Variants in HMGN2 observed in about 807,000 individuals in gnomAD.
The protein encoded by HMGN2 is high mobility group nucleosomal binding domain 2.
Under a neutral mutation model 16.9 loss-of-function variants are expected in HMGN2, and 2 were observed. The ratio of observed to expected loss-of-function variants is 0.12; its 90% CI spans 0.05 to 0.37. The LOEUF is 0.37. HMGN2 is among the 10% of genes least tolerant of loss of function. HMGN2 has a pLI of 1.00. For missense variants in HMGN2, 90 were observed against 106.0 expected (o/e 0.85, Z 0.66); for synonymous variants, 31 against 34.9 (o/e 0.89, Z 0.39).
chr1:26,475,254 T>C lies in HMGN2; in HGVS notation c.*106T>C. The C allele has an allele frequency of 2.5e-6, 2 of 815,496 alleles. No individual in the cohort carries two copies. The highest frequency in any genetic ancestry group is 5.1e-5 in the East Asian group (2 of 39,178). 50.5% of individuals were successfully genotyped at this position (815,496 alleles called of 1,614,324 possible). A position where few individuals can be genotyped will look rare whatever the true frequency, so the allele number is the denominator to read the frequency against. Reference sequence around the variant, plus strand: ...TGCAGAATTTTGTTTTACTTTTTTTTTTTTTTTAAAAGCTATGTTGTTAGC... The same window carrying C: ...TGCAGAATTTTGTTTTACTTTTTTTCTTTTTTTAAAAGCTATGTTGTTAGC... On this transcript the variant is annotated 3_prime_UTR_variant, in exon 6 of 6. Coordinates refer to ENST00000361427, the MANE Select transcript of HMGN2 (RefSeq NM_005517.4).
rs796900443 is a variant in HMGN2 at position 26,475,439 on chromosome 1, T to G, written c.*291T>G. ...AGGGATTCCCTGACTTTGACACACA[T>G]GGCCACCTTGGCACAAAAGCCTTGT... is the stretch of plus-strand genomic sequence containing the variant. On this transcript the variant is annotated 3_prime_UTR_variant, in exon 6 of 6. Transcript: ENST00000361427. 8.9e-6 allele frequency: 3 copies of G among 337,626 alleles called. No homozygotes were observed. The highest frequency in any genetic ancestry group is 4.4e-5 in the Admixed American group (1 of 22,506). 20.9% of individuals were successfully genotyped at this position (337,626 alleles called of 1,614,324 possible).
Position 26,474,087 on chromosome 1 carries a change from A to G in HMGN2, c.93A>G (p.Lys31=). ...TCCTCTCTTCCTGCCAAAAAAAGAA[A>G]CCTGCTCCTCCAAAGCCAGAGCCCA... ...PQRRSARLSA[K]PAPPKPEPKP... is the part of the protein sequence containing the mutation. The change falls in exon 4 of 6, where the codon AAA becomes AAG. Residue 31 remains lysine, a splice_region_variant and synonymous_variant. Coordinates refer to ENST00000361427, the MANE Select transcript of HMGN2 (RefSeq NM_005517.4). 6.2e-7 allele frequency: 1 copy of G among 1,611,320 alleles called. No homozygotes were observed. Among genetic ancestry groups the G allele is most frequent in the Non-Finnish European group, 8.5e-7 (1 of 1,179,204 alleles).
Position 26,472,652 on chromosome 1 carries a change from G to T in HMGN2, c.15+25G>T. On this transcript the variant is annotated intron_variant, in intron 1 of 5. Coordinates refer to ENST00000361427, the MANE Select transcript of HMGN2 (RefSeq NM_005517.4). The stretch of plus-strand genomic sequence containing the variant: ...GGTACGTGGCGCGAGGGCCCCAGGC[G>T]CCGGGCCACCACTGCCGCCACCGCC... 7.2e-6 allele frequency: 11 copies of T among 1,524,772 alleles called. No homozygotes were observed. The South Asian group carries it at 1.3e-4, about 18-fold the overall frequency. 94.5% of individuals were successfully genotyped at this position (1,524,772 alleles called of 1,614,324 possible).
At position 26,475,095 on chromosome 1, in the gene HMGN2, T is replaced by G; in HGVS notation, c.238-18T>G. The G allele has an allele frequency of 6.2e-7, 1 of 1,605,506 alleles. No individual in the cohort carries two copies. The highest frequency in any genetic ancestry group is 8.5e-7 in the Non-Finnish European group (1 of 1,173,370). On this transcript the variant is annotated intron_variant, in intron 5 of 5. Transcript: ENST00000361427. ...TTTGAAATCTACGCATTGCATTAAT[T>G]TGTCTGTTTTCTTTTAGGCACAGAA...
chr1:26,474,057 CT>C, intron 3 of HMGN2, 27 bp from the exon 4 acceptor site: 1 of 1,601,626 alleles, frequency 6.2e-7, no homozygotes, highest in Non-Finnish European at 8.5e-7. Flanking sequence ...CTGATGTTCA[CT>C]TTTTCCTCTC....
intron 1 of HMGN2, among the ~76,000 whole-genome samples, chr1:26,473,040 A>AC (rs1553124871): frequency 2.0e-5 from 3 of 151,774 alleles, no homozygotes. Flanking sequence ...CGCCGCCGTG[A>AC]GGGGCGGGGC....
rs570409952 is a variant in HMGN2 at position 26,474,734 on chromosome 1, A to G, written c.237+67A>G. On this transcript the variant is annotated intron_variant, in intron 5 of 5. Transcript: ENST00000361427. ...GTTAGTTGCTGATATCAAAAATTTA[A>G]TTGCCCTTTTCTTGTATCACTCCAA... 1.5e-4 allele frequency: 120 copies of G among 791,942 alleles called. 1 individual carries two copies. The South Asian group carries it at 1.7e-3, about 11-fold the overall frequency. The allele number at this position is 791,942 out of a possible 1,614,324, so 49.1% of individuals were successfully genotyped here.
chr1:26,474,445 C>G, intron 4 of HMGN2, 127 bp from the exon 5 acceptor site: 1 of 638,716 alleles, frequency 1.6e-6, no homozygotes, highest in African/African-American at 1.8e-5. Context: ...ATCAGTTGTT[C>G]TTGTCAAATG....
chr1:26,473,411 A>G (rs2075588761), intron 1 of HMGN2, 72 bp from the exon 2 acceptor site: 3 of 1,066,548 alleles, frequency 2.8e-6, no homozygotes, highest in East Asian at 4.7e-5. Context: ...TTTCATTTTT[A>G]GCACTCTAAA....
At position 26,472,590 on chromosome 1, in the gene HMGN2, C is replaced by T. The variant is rs1314934047; in HGVS notation, c.-23C>T. 3.9e-6 allele frequency: 6 copies of T among 1,535,686 alleles called. No individual in the cohort carries two copies. Among genetic ancestry groups the T allele is most frequent in the East Asian group, 2.4e-5 (1 of 40,998 alleles). On this transcript the variant is annotated 5_prime_UTR_variant, in exon 1 of 6. Coordinates refer to ENST00000361427, the MANE Select transcript of HMGN2 (RefSeq NM_005517.4). ...GCATCCCGCGTCCAGCACCTACGTCCCGCTGCCGTCGCCGCCGCCACCATG... is the reference window on the plus strand; with the variant it reads ...GCATCCCGCGTCCAGCACCTACGTCTCGCTGCCGTCGCCGCCGCCACCATG...
At chr1:26,472,782 C>T (rs1470837470) in intron 1 of HMGN2, among the ~76,000 whole-genome samples, 155 bp downstream of exon 1, 2 of 151,760 alleles carry the variant, frequency 1.3e-5, no homozygotes, top group African/African-American at 2.4e-5. Flanking sequence ...TCGGGGCTAA[C>T]CCTGAGCGGC....
intron 1 of HMGN2, chr1:26,473,155 C>G (rs1033502507): frequency 2.9e-6 from 1 of 339,656 alleles, no homozygotes. Flanking sequence ...CTCTCCCGCC[C>G]TCGACGGCTG....
rs1570378185 is a variant in HMGN2, at chr1:26,473,312, CCGGA to C, written c.16-170_16-167del. The C allele has an allele frequency of 2.4e-5, 14 of 590,242 alleles. 1 individual carries two copies. The East Asian group carries it at 4.0e-4, about 17-fold the overall frequency. The allele number at this position is 590,242 out of a possible 1,614,324, so 36.6% of individuals were successfully genotyped here. A position where few individuals can be genotyped will look rare whatever the true frequency, so the allele number is the denominator to read the frequency against. On this transcript the variant is annotated intron_variant, in intron 1 of 5. Coordinates refer to ENST00000361427, the MANE Select transcript of HMGN2 (RefSeq NM_005517.4). Reference sequence around the variant, plus strand: ...GCCCTCGCTTCTCGGGGTCGGCGAGCCGGAGCTCCTGCGCGCGCTTCGTTCTTAT... The same window carrying C: ...GCCCTCGCTTCTCGGGGTCGGCGAGCGCTCCTGCGCGCGCTTCGTTCTTAT...
In HMGN2 at chr1:26,472,527, A is replaced by G. The variant is rs1345350619; in HGVS notation, c.-86A>G. On this transcript the variant is annotated 5_prime_UTR_variant, in exon 1 of 6. Transcript: ENST00000361427. The stretch of plus-strand genomic sequence containing the variant: ...GCCCGAGCAGTGTGAAGAAGAGGCG[A>G]GAACGACCCCCGGACCGACCAAAGC... 6.7e-7 allele frequency: 1 copy of G among 1,497,286 alleles called. No individual in the cohort carries two copies. The allele number at this position is 1,497,286 out of a possible 1,614,324, so 92.8% of individuals were successfully genotyped here.
chr1:26,475,769 A>C lies in HMGN2; in HGVS notation c.*621A>C, dbSNP rs2075603946. The stretch of plus-strand genomic sequence containing the variant: ...TGCTAAATGTGAAATGTCAACCCTC[A>C]CTCTAAACTTTCCCTGTTCAGAGCA... On this transcript the variant is annotated 3_prime_UTR_variant, in exon 6 of 6. Transcript: ENST00000361427. 2.6e-4 allele frequency: 86 copies of C among 336,706 alleles called. 1 individual carries two copies. Among genetic ancestry groups the C allele is most frequent in the South Asian group, 1.9e-3 (84 of 44,626 alleles). The allele number at this position is 336,706 out of a possible 1,614,324, so 20.9% of individuals were successfully genotyped here.
intron 1 of HMGN2, 180 bp from the exon 2 acceptor site, chr1:26,473,303 G>A: frequency 1.7e-6 from 1 of 600,840 alleles, no homozygotes; most frequent in East Asian, 2.8e-5. Flanking sequence ...GCTTCTCGGG[G>A]TCGGCGAGCC....
intron 3 of HMGN2, 108 bp from the exon 4 acceptor site, chr1:26,473,977 G>A: frequency 1.0e-6 from 1 of 968,042 alleles, no homozygotes; most frequent in Non-Finnish European, 1.6e-6. Context: ...AAACTTTTGA[G>A]GAGGAGGAGA....
chr1:26,474,496 T>G (rs2075595448), intron 4 of HMGN2, 76 bp from the exon 5 acceptor site: 1 of 748,736 alleles, frequency 1.3e-6, no homozygotes, highest in African/African-American at 1.7e-5. Flanking sequence ...CAATCCTACC[T>G]TGTGCAGAAC....
rs2075605746 is a variant in HMGN2, at chr1:26,475,967, T to C, written c.*819T>C. ...TTAATAAAGCTGGATACAGTTTGGC[T>C]TGGAATGCTGCCTCTGATCTTTTCC... is the stretch of plus-strand genomic sequence containing the variant. On this transcript the variant is annotated 3_prime_UTR_variant, in exon 6 of 6. Coordinates refer to ENST00000361427, the MANE Select transcript of HMGN2 (RefSeq NM_005517.4). The C allele has an allele frequency of 3.4e-6, 1 of 293,940 alleles. No homozygotes were observed. The highest frequency in any genetic ancestry group is 6.6e-6 in the Non-Finnish European group (1 of 151,126). The allele number at this position is 293,940 out of a possible 1,614,324, so 18.2% of individuals were successfully genotyped here.
Sources: gnomAD v4.1 joint callset for allele counts (sites outside exome capture counted in the v4.1 genomes callset) on GRCh38, gnomAD v4.1.1 for gene constraint, MANE v1.5 for transcripts, NCBI Gene and HGNC (gene_info 2026-07-23, HGNC 2026-07-21) for gene names.